The following ARL3 variants were observed in gnomAD, a reference collection of about 807,000 sequenced individuals.
The protein encoded by ARL3 is ARF like GTPase 3, also known as ADP-ribosylation factor-like protein 3.
Under a neutral mutation model 26.0 loss-of-function variants are expected in ARL3, and 9 were observed. The observed-to-expected ratio is 0.35, with a 90% CI of 0.21 to 0.60. ARL3 has a LOEUF of 0.60. ARL3 is among the 20% of genes least tolerant of loss of function. The pLI, the probability that ARL3 is intolerant of heterozygous loss-of-function variation, is 0.78. For missense variants in ARL3, 158 were observed against 215.7 expected, an observed-to-expected ratio of 0.73 and a Z score of 1.67; for synonymous variants, 71 against 78.4, an observed-to-expected ratio of 0.91 and a Z score of 0.50.
At chr10:102,707,180 C>A (rs1169486369) in intron 1 of ARL3, among the ~76,000 whole-genome samples, 1 of 151,986 alleles carries the variant, frequency 6.6e-6, no homozygotes, top group Non-Finnish European at 1.5e-5. Flanking sequence ...GGCCTGTGGT[C>A]CCAGCTACTC....
In ARL3 at chr10:102,675,257, G is replaced by C. The variant is rs564043624; in HGVS notation, c.*1637C>G. 1.3e-5 allele frequency: 2 copies of C among 152,272 alleles called. No homozygotes were observed. Among genetic ancestry groups the C allele is most frequent in the Admixed American group, 6.5e-5 (1 of 15,278 alleles). The allele number at this position is 152,272 out of a possible 1,614,324, so 9.4% of individuals were successfully genotyped here. ...TTACAGGTCTGTCCACAGCAACTCT[G>C]GGGCACCTTTTCACGGCTGGCTTTG... On this transcript the variant is annotated 3_prime_UTR_variant, in exon 6 of 6. Coordinates refer to ENST00000260746, the MANE Select transcript of ARL3 (RefSeq NM_004311.4).
intron 5 of ARL3, among the ~76,000 whole-genome samples, chr10:102,682,350 G>C (rs183640468): frequency 2.2e-4 from 34 of 152,154 alleles, no homozygotes; most frequent in African/African-American, 8.0e-4. Flanking sequence ...TCATACAATG[G>C]GCTGGCTTCC....
chr10:102,693,631 G>T (rs2064231525), intron 3 of ARL3, among the ~76,000 whole-genome samples: 2 of 152,052 alleles, frequency 1.3e-5, no homozygotes, highest in Middle Eastern at 3.2e-3. Flanking sequence ...TCTGTGGTTT[G>T]TATTTTTATT....
At chr10:102,696,421 C>A in intron 3 of ARL3, among the ~76,000 whole-genome samples, 1 of 151,242 alleles carries the variant, frequency 6.6e-6, no homozygotes, top group East Asian at 1.9e-4. Context: ...CCCACCACCA[C>A]GCCTGGCTAA....
At chr10:102,686,711 C>T (rs960352789) in intron 4 of ARL3, among the ~76,000 whole-genome samples, 16 of 151,756 alleles carry the variant, frequency 1.1e-4, no homozygotes, top group African/African-American at 3.9e-4. Flanking sequence ...GTGATCTGCC[C>T]GCCTTGGCCT....
At position 102,674,452 on chromosome 10, in the gene ARL3, A is replaced by G. The variant is rs1043450; in HGVS notation, c.*2442T>C. 35,725 of 152,152 alleles carry G rather than the reference A, an allele frequency of 0.23. 5,149 individuals are homozygous for G. Among genetic ancestry groups the G allele is most frequent in the Non-Finnish European group, 0.31 (21,101 of 68,010 alleles). 9.4% of individuals were successfully genotyped at this position (152,152 alleles called of 1,614,324 possible). On this transcript the variant is annotated 3_prime_UTR_variant, in exon 6 of 6. Coordinates refer to ENST00000260746, the MANE Select transcript of ARL3 (RefSeq NM_004311.4). Reference sequence around the variant, plus strand: ...TTTTTCCCACAACTGGCTTGAGCACATATCACGAGCACCCCCCAGGCCTTG... The same window carrying G: ...TTTTTCCCACAACTGGCTTGAGCACGTATCACGAGCACCCCCCAGGCCTTG...
intron 2 of ARL3, among the ~76,000 whole-genome samples, chr10:102,702,499 TTA>T (rs1344203866): frequency 2.0e-5 from 3 of 152,072 alleles, no homozygotes; most frequent in Non-Finnish European, 2.9e-5. Flanking sequence ...AATATCAGAG[TTA>T]CCTATAACAC....
intron 2 of ARL3, among the ~76,000 whole-genome samples, chr10:102,701,513 C>G (rs747752610): frequency 6.6e-6 from 1 of 152,070 alleles, no homozygotes; most frequent in Admixed American, 6.6e-5. Flanking sequence ...ATTAGAAGTT[C>G]GAGAATTCTA....
chr10:102,687,666 T>C (rs904803313), intron 4 of ARL3, among the ~76,000 whole-genome samples: 3 of 151,776 alleles, frequency 2.0e-5, no homozygotes, highest in Non-Finnish European at 2.9e-5. Context: ...CCAGCCAGGG[T>C]GACAGAGTGA....
At chr10:102,714,249 G>C in intron 1 of ARL3, 24 bp downstream of exon 1, 1 of 1,313,340 alleles carries the variant, frequency 7.6e-7, no homozygotes, top group African/African-American at 1.5e-5. Context: ...CCGGCTCCAA[G>C]GGGGCCCAGG....
chr10:102,694,564 T>A (rs1470247059), intron 3 of ARL3, among the ~76,000 whole-genome samples: 3 of 152,174 alleles, frequency 2.0e-5, no homozygotes, highest in Non-Finnish European at 4.4e-5. Flanking sequence ...CGATGTCCCA[T>A]TATTCCAGCG....
chr10:102,680,702 G>T (rs766892733), intron 5 of ARL3, among the ~76,000 whole-genome samples: 16 of 152,148 alleles, frequency 1.1e-4, no homozygotes, highest in Non-Finnish European at 2.2e-4. Flanking sequence ...GAAGGAAGCG[G>T]TGGCAGCCAT....
intron 5 of ARL3, among the ~76,000 whole-genome samples, chr10:102,684,540 T>C (rs2064172276): frequency 1.3e-5 from 2 of 152,200 alleles, no homozygotes; most frequent in South Asian, 2.1e-4. Context: ...CTATCTTTTC[T>C]TGGGTCTCAT....
Position 102,675,320 on chromosome 10 carries a change from T to C in ARL3, c.*1574A>G, listed in dbSNP as rs925804044. The C allele has an allele frequency of 6.6e-6, 1 of 152,324 alleles. No individual in the cohort carries two copies. Among genetic ancestry groups the C allele is most frequent in the Non-Finnish European group, 1.5e-5 (1 of 68,102 alleles). The allele number at this position is 152,324 out of a possible 1,614,324, so 9.4% of individuals were successfully genotyped here. On this transcript the variant is annotated 3_prime_UTR_variant, in exon 6 of 6. Transcript: ENST00000260746. ...ATGTCAGATCGCTTTTGAAGCTGGC[T>C]ATGCCTCAGTCTCTGCTGCACTCTT... is the stretch of plus-strand genomic sequence containing the variant.
intron 2 of ARL3, among the ~76,000 whole-genome samples, chr10:102,700,345 G>C (rs1452434264): frequency 2.9e-4 from 41 of 141,288 alleles, no homozygotes; most frequent in African/African-American, 1.1e-3. Flanking sequence ...GGAGGCAGAG[G>C]TTGCAGTGAG....
Position 102,676,925 on chromosome 10 carries a change from A to G in ARL3, c.518T>C (p.Val173Ala), listed in dbSNP as rs2135993842. 6.2e-7 allele frequency: 1 copy of G among 1,614,158 alleles called. No individual in the cohort carries two copies. The change falls in exon 6 of 6, where the codon GTC becomes GCC. Residue 173 changes from valine (V) to alanine (A), a missense_variant. Transcript: ENST00000260746. ...GEGVQDGMNW[V>A]CKNVNAKKK ...CTTCTTTGCATTGACATTTTTGCAG[A>G]CCCAGTTCATGCCATCCTTTGAGGG...
intron 1 of ARL3, 152 bp downstream of exon 1, chr10:102,714,121 C>A: frequency 2.9e-6 from 3 of 1,023,350 alleles, no homozygotes; most frequent in South Asian, 4.0e-5. Flanking sequence ...CGGGTCTCCC[C>A]GCCGACCCCC....
chr10:102,682,307 C>T (rs2064159594), intron 5 of ARL3, among the ~76,000 whole-genome samples: 1 of 152,112 alleles, frequency 6.6e-6, no homozygotes, highest in Non-Finnish European at 1.5e-5. Flanking sequence ...CTACTCTCTG[C>T]TCCTGATGGT....
chr10:102,704,861 G>A (rs1324674521), intron 2 of ARL3, among the ~76,000 whole-genome samples: 2 of 151,756 alleles, frequency 1.3e-5, no homozygotes, highest in East Asian at 4.2e-4. Context: ...GAAAGGTGCT[G>A]TGTGGAGGCT....
Sources: allele counts gnomAD v4.1 joint callset (sites outside exome capture counted in the v4.1 genomes callset), GRCh38; gene constraint gnomAD v4.1.1; transcripts MANE v1.5; gene names NCBI Gene and HGNC (gene_info 2026-07-23, HGNC 2026-07-21).